Variants in ATP2C2 observed in about 807,000 individuals in gnomAD.
ATP2C2 encodes the protein calcium-transporting ATPase type 2C member 2.
In ATP2C2, 171 loss-of-function variants were observed where a neutral mutation model predicts 110.8. The ratio of observed to expected loss-of-function variants is 1.54; its 90% CI spans 1.36 to 1.75. ATP2C2 has a LOEUF of 1.75. ATP2C2 is among the 40% of genes most tolerant of loss of function. ATP2C2 has a pLI of 0.00. For missense variants in ATP2C2, 1,963 were observed against 1,235.0 expected (o/e 1.59, Z -8.84); for synonymous variants, 804 against 508.4 (o/e 1.58, Z -7.82).
In ATP2C2 at chr16:84,459,361, A is replaced by G. The variant is rs767652415; in HGVS notation, c.2308A>G (p.Ile770Val). ...NAMQILWINI[I>V]MDGPPAQSLG... ...CATGCAGATCCTATGGATCAACATCATCATGGATGGGCCACCGGCGCAGAG... is the reference window on the plus strand; with the variant it reads ...CATGCAGATCCTATGGATCAACATCGTCATGGATGGGCCACCGGCGCAGAG... Residue 770 changes from isoleucine (I) to valine (V), a missense_variant, in exon 23 of 27, where the codon ATC becomes GTC. Transcript: ENST00000262429. 3.7e-6 allele frequency: 6 copies of G among 1,614,052 alleles called. No homozygotes were observed. The highest frequency in any genetic ancestry group is 5.1e-6 in the Non-Finnish European group (6 of 1,180,024).
rs552727072 is a variant in ATP2C2, at chr16:84,451,818, A to G, written c.1661-103A>G. The G allele has an allele frequency of 5.7e-6, 7 of 1,236,830 alleles. No homozygotes were observed. In the East Asian group the frequency reaches 9.3e-5, roughly 16 times the overall value. The allele number at this position is 1,236,830 out of a possible 1,614,324, so 76.6% of individuals were successfully genotyped here. On this transcript the variant is annotated intron_variant, in intron 17 of 26. Coordinates refer to ENST00000262429, the MANE Select transcript of ATP2C2 (RefSeq NM_014861.4). ...ACACCACTGCACTCCAACCTGGGCG[A>G]TAAGAACAAAACTCTCTTAAAAAAC...
At chr16:84,381,908 T>C (rs1377959874) in intron 1 of ATP2C2, among the ~76,000 whole-genome samples, 1 of 152,232 alleles carries the variant, frequency 6.6e-6, no homozygotes, top group East Asian at 1.9e-4. Context: ...CAGCTCTTCA[T>C]GGAATTGGGC....
chr16:84,441,024 A>G, intron 14 of ATP2C2, 66 bp downstream of exon 14: 1 of 1,336,590 alleles, frequency 7.5e-7, no homozygotes, highest in Non-Finnish European at 1.1e-6. Context: ...CTCCTCTCTG[A>G]AAAGGGAAAC....
At chr16:84,395,789 T>A (rs60872674) in intron 1 of ATP2C2, among the ~76,000 whole-genome samples, 18,247 of 152,120 alleles carry the variant, frequency 0.12, 2,608 homozygotes, top group African/African-American at 0.34. Flanking sequence ...TATGAGCCAC[T>A]GTGTCTGGCC....
Position 84,381,096 on chromosome 16 carries a change from A to C in ATP2C2, c.99+12382A>C, listed in dbSNP as rs150538174. On this transcript the variant is annotated intron_variant, in intron 1 of 26. Transcript: ENST00000262429. ...CCTGGGTGCAGGCGGGCTGAGTCCG[A>C]AAAGAGAGTCGGCAAAGGGTGGTGG... Among the ~76,000 whole-genome samples the C allele has an allele frequency of 6.1e-3, 934 of 152,342 alleles. 11 individuals are homozygous for C. The highest frequency in any genetic ancestry group is 0.022 in the African/African-American group (895 of 41,580).
chr16:84,443,877 T>C (rs1249042370), intron 15 of ATP2C2, among the ~76,000 whole-genome samples: 1 of 152,030 alleles, frequency 6.6e-6, no homozygotes, highest in Non-Finnish European at 1.5e-5. Flanking sequence ...GTAAGAACAT[T>C]GGAAAGTCAT....
chr16:84,388,360 G>C (rs1904441156), intron 1 of ATP2C2, among the ~76,000 whole-genome samples: 1 of 152,040 alleles, frequency 6.6e-6, no homozygotes, highest in South Asian at 2.1e-4. Flanking sequence ...ATCAACCTTT[G>C]AACACATCAG....
At chr16:84,376,060 C>A (rs1910231542) in intron 1 of ATP2C2, among the ~76,000 whole-genome samples, 1 of 151,248 alleles carries the variant, frequency 6.6e-6, no homozygotes, top group Admixed American at 6.6e-5. Flanking sequence ...CGGTGCCAGC[C>A]CAGAGCTTTG....
At chr16:84,444,978 A>G (rs946138387) in intron 15 of ATP2C2, among the ~76,000 whole-genome samples, 1 of 152,104 alleles carries the variant, frequency 6.6e-6, no homozygotes, top group Non-Finnish European at 1.5e-5. Context: ...CTGAAATAAA[A>G]CACCACTGGC....
chr16:84,443,768 T>G (rs1331954829), intron 15 of ATP2C2, among the ~76,000 whole-genome samples: 1 of 152,020 alleles, frequency 6.6e-6, no homozygotes, highest in Admixed American at 6.6e-5. Flanking sequence ...GACTCCAACC[T>G]CCCACACCAC....
chr16:84,391,792 T>C (rs1904678929), intron 1 of ATP2C2, among the ~76,000 whole-genome samples: 1 of 152,186 alleles, frequency 6.6e-6, no homozygotes, highest in Admixed American at 6.5e-5. Flanking sequence ...GTTGGTTGTT[T>C]GTTACAGCCG....
At chr16:84,392,076 G>A (rs1904698384) in intron 1 of ATP2C2, among the ~76,000 whole-genome samples, 1 of 150,948 alleles carries the variant, frequency 6.6e-6, no homozygotes, top group Admixed American at 6.6e-5. Context: ...ATTTTGTATT[G>A]GAGAATTCCA....
rs562758349 is a variant in ATP2C2 at position 84,373,107 on chromosome 16, G to C, written c.99+4393G>C. 1.7e-3 allele frequency among the ~76,000 whole-genome samples: 243 copies of C among 140,254 alleles called. 3 individuals carry two copies. The highest frequency in any genetic ancestry group is 6.1e-3 in the African/African-American group (237 of 39,098). 92.0% of individuals were successfully genotyped at this position (140,254 alleles called of 152,430 possible). A position where few individuals can be genotyped will look rare whatever the true frequency, so the allele number is the denominator to read the frequency against. On this transcript the variant is annotated intron_variant, in intron 1 of 26. Transcript: ENST00000262429. ...TGCACTCCAGCCTGGAAGACAGAGC[G>C]AGACTCCCTCTCAAAAAAAAAAAAA...
rs201061113 is a variant in ATP2C2, at chr16:84,405,215, G to T, written c.298G>T (p.Glu100Ter). ...GAATGAGTTTGTTGCTGACAACAGCGAACCTGTGTGGAAGAAATACCTGGA... is the reference window on the plus strand; with the variant it reads ...GAATGAGTTTGTTGCTGACAACAGCTAACCTGTGTGGAAGAAATACCTGGA... ...GWNEFVADNS[E>*]PVWKKYLDQF... Residue 100 changes from glutamate to a stop codon, truncating the protein, a stop_gained, in exon 3 of 27, where the codon GAA (glutamate) becomes TAA (stop). Transcript: ENST00000262429. LOFTEE classifies it high-confidence loss of function. 1 of 1,614,050 alleles carries T rather than the reference G, an allele frequency of 6.2e-7. No individual in the cohort carries two copies.
chr16:84,384,613 C>T (rs185960988), intron 1 of ATP2C2, among the ~76,000 whole-genome samples: 27 of 152,246 alleles, frequency 1.8e-4, no homozygotes, highest in Admixed American at 1.6e-3. Context: ...GAGACTGTGT[C>T]AGTATCTGAT....
chr16:84,392,358 C>T (rs777913877), intron 1 of ATP2C2, among the ~76,000 whole-genome samples: 3 of 152,144 alleles, frequency 2.0e-5, no homozygotes, highest in Non-Finnish European at 4.4e-5. Flanking sequence ...CCTTGGGCTC[C>T]TAAACACTGC....
intron 1 of ATP2C2, among the ~76,000 whole-genome samples, chr16:84,375,201 G>A (rs936029518): frequency 6.6e-6 from 1 of 152,248 alleles, no homozygotes; most frequent in Non-Finnish European, 1.5e-5. Flanking sequence ...AGAAGCATAT[G>A]TAATGACACA....
At chr16:84,449,435 T>C (rs560590004) in intron 17 of ATP2C2, among the ~76,000 whole-genome samples, 1 of 152,304 alleles carries the variant, frequency 6.6e-6, no homozygotes, top group African/African-American at 2.4e-5. Context: ...AAATGGTTTG[T>C]GTTGCGCTGG....
At chr16:84,376,561 C>G (rs938743641) in intron 1 of ATP2C2, among the ~76,000 whole-genome samples, 1 of 150,792 alleles carries the variant, frequency 6.6e-6, no homozygotes, top group Non-Finnish European at 1.5e-5. Context: ...AGCTCATCAG[C>G]TATCATTGGT....
Sources: gnomAD v4.1 joint callset for allele counts (sites outside exome capture counted in the v4.1 genomes callset) on GRCh38, gnomAD v4.1.1 for gene constraint, MANE v1.5 for transcripts, NCBI Gene and HGNC (gene_info 2026-07-23, HGNC 2026-07-21) for gene names.